Variants in ST6GALNAC3 observed in about 807,000 individuals in gnomAD.
ST6GALNAC3 encodes the protein ST6 N-acetylgalactosaminide alpha-2,6-sialyltransferase 3.
Under a neutral mutation model 32.7 loss-of-function variants are expected in ST6GALNAC3, and 25 were observed. That is an observed-to-expected ratio of 0.76 (90% CI 0.56 to 1.07). The LOEUF (loss-of-function observed/expected upper bound fraction) is 1.07. Among genes scored for constraint, ST6GALNAC3 ranks in the 50% least tolerant of loss-of-function variants. The pLI, the probability that ST6GALNAC3 is intolerant of heterozygous loss-of-function variation, is 0.00. For missense variants in ST6GALNAC3, 355 were observed against 382.4 expected (o/e 0.93, Z 0.60); for synonymous variants, 129 against 133.1 (o/e 0.97, Z 0.21).
chr1:76,184,519 G>GCACACACA (rs71071992), intron 1 of ST6GALNAC3, among the ~76,000 whole-genome samples: 19,703 of 133,494 alleles, frequency 0.15, 1,833 homozygotes, highest in East Asian at 0.35. Context: ...CTCCTGGGCA[G>GCACACACA]CACACACACA....
chr1:76,089,373 A>T (rs1037771829), intron 1 of ST6GALNAC3, among the ~76,000 whole-genome samples: 36 of 152,294 alleles, frequency 2.4e-4, no homozygotes, highest in African/African-American at 8.4e-4. Context: ...TTTTAAACAG[A>T]GTCCTTGGGT....
chr1:76,214,086 G>T (rs1270469151), intron 1 of ST6GALNAC3, among the ~76,000 whole-genome samples: 2 of 152,086 alleles, frequency 1.3e-5, no homozygotes, highest in African/African-American at 4.8e-5. Flanking sequence ...CCTTTGAGAG[G>T]TAGTCAATTC....
At chr1:76,543,709 C>T (rs1664127542) in intron 3 of ST6GALNAC3, among the ~76,000 whole-genome samples, 1 of 152,146 alleles carries the variant, frequency 6.6e-6, no homozygotes, top group Admixed American at 6.6e-5. Flanking sequence ...TGGCACCTCC[C>T]ACAGACTCAC....
chr1:76,604,731 C>G (rs1038122657), intron 3 of ST6GALNAC3, among the ~76,000 whole-genome samples: 1 of 152,216 alleles, frequency 6.6e-6, no homozygotes, highest in African/African-American at 2.4e-5. Flanking sequence ...AAACCAGACT[C>G]TGTTACTTCA....
intron 1 of ST6GALNAC3, among the ~76,000 whole-genome samples, chr1:76,204,262 T>TAC (rs1049396118): frequency 6.6e-5 from 10 of 152,128 alleles, no homozygotes; most frequent in African/African-American, 1.9e-4. Flanking sequence ...TATATATATA[T>TAC]CACACTTTCT....
At chr1:76,497,718 C>A (rs994438026) in intron 3 of ST6GALNAC3, among the ~76,000 whole-genome samples, 2 of 152,154 alleles carry the variant, frequency 1.3e-5, no homozygotes, top group African/African-American at 4.8e-5. Flanking sequence ...GGAGAGGAGG[C>A]AGCTATGTGT....
intron 3 of ST6GALNAC3, among the ~76,000 whole-genome samples, chr1:76,606,173 C>A (rs916474849): frequency 3.3e-5 from 5 of 152,020 alleles, no homozygotes; most frequent in African/African-American, 1.2e-4. Flanking sequence ...CCTCAAAGAC[C>A]TAGAACCAGA....
chr1:76,244,212 G>A (rs1657128882), intron 1 of ST6GALNAC3, among the ~76,000 whole-genome samples: 1 of 152,004 alleles, frequency 6.6e-6, no homozygotes, highest in Non-Finnish European at 1.5e-5. Context: ...TGTAGCAATT[G>A]TGAATGGGAG....
At chr1:76,435,741 A>T (rs1656093249) in intron 3 of ST6GALNAC3, among the ~76,000 whole-genome samples, 1 of 152,154 alleles carries the variant, frequency 6.6e-6, no homozygotes, top group Non-Finnish European at 1.5e-5. Flanking sequence ...ATAATAATAA[A>T]TTTGATGTGT....
At chr1:76,565,003 C>A (rs1390011088) in intron 3 of ST6GALNAC3, among the ~76,000 whole-genome samples, 3 of 152,136 alleles carry the variant, frequency 2.0e-5, no homozygotes, top group Non-Finnish European at 4.4e-5. Context: ...CAAGAAAATT[C>A]TTGCCCTTTT....
chr1:76,632,776 AAT>A lies in ST6GALNAC3; in HGVS notation c.*3974_*3975del, dbSNP rs2100744684. The A allele has an allele frequency of 6.6e-6, 1 of 152,110 alleles. No individual in the cohort carries two copies. Among genetic ancestry groups the A allele is most frequent in the South Asian group, 2.1e-4 (1 of 4,806 alleles). 9.4% of individuals were successfully genotyped at this position (152,110 alleles called of 1,614,324 possible). On this transcript the variant is annotated 3_prime_UTR_variant, in exon 5 of 5. Coordinates refer to ENST00000328299, the MANE Select transcript of ST6GALNAC3 (RefSeq NM_152996.4). ...TCGGTTTAATTTCAATAAGCAAGAA[AAT>A]ATAATCAGATGACTGATTTAAAAAA... is the stretch of plus-strand genomic sequence containing the variant.
intron 2 of ST6GALNAC3, among the ~76,000 whole-genome samples, chr1:76,409,792 T>G (rs776596158): frequency 3.3e-5 from 5 of 152,300 alleles, no homozygotes; most frequent in Non-Finnish European, 7.4e-5. Context: ...CGGTGTAGTG[T>G]TATTGAGTGA....
chr1:76,313,120 T>A (rs1000757796), intron 1 of ST6GALNAC3, among the ~76,000 whole-genome samples: 2 of 152,144 alleles, frequency 1.3e-5, no homozygotes, highest in African/African-American at 4.8e-5. Context: ...TTCCTACTCA[T>A]ACAGGGTGCT....
chr1:76,159,651 T>A (rs1178667545), intron 1 of ST6GALNAC3, among the ~76,000 whole-genome samples: 1 of 152,240 alleles, frequency 6.6e-6, no homozygotes, highest in Non-Finnish European at 1.5e-5. Context: ...AAAGGATAGA[T>A]GAGACCCATT....
chr1:76,104,503 A>C (rs1040112739), intron 1 of ST6GALNAC3, among the ~76,000 whole-genome samples: 5 of 152,044 alleles, frequency 3.3e-5, no homozygotes, highest in Middle Eastern at 3.2e-3. Flanking sequence ...ACTTAAACAC[A>C]AATCTTTATT....
intron 1 of ST6GALNAC3, among the ~76,000 whole-genome samples, chr1:76,086,747 C>T (rs1646970004): frequency 6.6e-6 from 1 of 152,200 alleles, no homozygotes; most frequent in African/African-American, 2.4e-5. Flanking sequence ...GAATCCTTCC[C>T]TGGGAAATAT....
In ST6GALNAC3 at chr1:76,474,090, C is replaced by T. The variant is rs537709062; in HGVS notation, c.623+61673C>T. The stretch of plus-strand genomic sequence containing the variant: ...CAATCACCCCAACAGAGACATTGGA[C>T]ATGTTAGTAGGACCAGCTTGCCTCA... On this transcript the variant is annotated intron_variant, in intron 3 of 4. Transcript: ENST00000328299. Among the ~76,000 whole-genome samples the T allele has an allele frequency of 5.9e-5, 9 of 152,262 alleles. No individual in the cohort carries two copies. In the East Asian group the frequency reaches 1.7e-3, roughly 29 times the overall value.
chr1:76,092,075 C>A (rs1395242320), intron 1 of ST6GALNAC3, among the ~76,000 whole-genome samples: 1 of 152,204 alleles, frequency 6.6e-6, no homozygotes, highest in Non-Finnish European at 1.5e-5. Context: ...CTCTTAACCC[C>A]AGCTCTGTCC....
At chr1:76,310,958 G>A (rs186985318) in intron 1 of ST6GALNAC3, among the ~76,000 whole-genome samples, 21 of 152,120 alleles carry the variant, frequency 1.4e-4, no homozygotes, top group African/African-American at 5.1e-4. Context: ...GACAACTCTG[G>A]TTTCTTCTGA....
Sources: allele counts gnomAD v4.1 joint callset (sites outside exome capture counted in the v4.1 genomes callset), GRCh38; gene constraint gnomAD v4.1.1; transcripts MANE v1.5; gene names NCBI Gene and HGNC (gene_info 2026-07-23, HGNC 2026-07-21).